Variants in TENM3 observed in about 807,000 individuals in gnomAD.
TENM3 encodes the protein teneurin-3.
In TENM3, 63 loss-of-function variants were observed where a neutral mutation model predicts 255.1. The ratio of observed to expected loss-of-function variants is 0.25; its 90% CI spans 0.20 to 0.30. TENM3 has a LOEUF of 0.30. Among genes scored for constraint, TENM3 ranks in the 10% least tolerant of loss-of-function variants. TENM3 has a pLI of 1.00. For missense variants in TENM3, 2,929 were observed against 3,461.1 expected (o/e 0.85, Z 3.86); for synonymous variants, 1,306 against 1,322.3 (o/e 0.99, Z 0.27).
At chr4:182,117,884 C>T in the TENM3 span, among the ~76,000 whole-genome samples, 1 of 152,272 alleles carries the variant, frequency 6.6e-6, no homozygotes, top group South Asian at 2.1e-4. Context: ...TTGGGAAGAA[C>T]TGACATCTTG....
chr4:182,021,645 G>A, the TENM3 span, among the ~76,000 whole-genome samples: 2 of 152,146 alleles, frequency 1.3e-5, no homozygotes, highest in Non-Finnish European at 2.9e-5. Flanking sequence ...CCCTGTGAGT[G>A]CAAGAATGAA....
chr4:182,202,362 G>C (rs1012492288), intron 1 of TENM3, among the ~76,000 whole-genome samples: 14 of 146,238 alleles, frequency 9.6e-5, no homozygotes, highest in Non-Finnish European at 1.8e-4. Flanking sequence ...CTGGAGTGCA[G>C]TGGTGCAATC....
the TENM3 span, among the ~76,000 whole-genome samples, chr4:181,705,259 A>G: frequency 6.6e-6 from 1 of 152,230 alleles, no homozygotes; most frequent in Non-Finnish European, 1.5e-5. Flanking sequence ...GAGGTTAGCC[A>G]TTACGAAGAG....
At chr4:182,544,670 G>T (rs186011727) in intron 3 of TENM3, among the ~76,000 whole-genome samples, 1 of 152,194 alleles carries the variant, frequency 6.6e-6, no homozygotes, top group African/African-American at 2.4e-5. Context: ...AATAAAAGTT[G>T]TGTTGCTCAT....
chr4:181,933,745 T>G, the TENM3 span, among the ~76,000 whole-genome samples: 2 of 152,176 alleles, frequency 1.3e-5, no homozygotes, highest in Non-Finnish European at 2.9e-5. Context: ...CAACTAAAAA[T>G]GCAGGCATTT....
At chr4:182,432,705 A>G (rs13115200) in intron 3 of TENM3, among the ~76,000 whole-genome samples, 86,266 of 151,970 alleles carry the variant, frequency 0.57, 24,737 homozygotes, top group South Asian at 0.64. Flanking sequence ...CCAAAGTGGT[A>G]GAAACCACGG....
chr4:181,839,172 AG>A, the TENM3 span, among the ~76,000 whole-genome samples: 52 of 150,454 alleles, frequency 3.5e-4, 1 homozygote, highest in Admixed American at 3.0e-3. Flanking sequence ...CATATGGGAA[AG>A]TTCTACTATC....
the TENM3 span, among the ~76,000 whole-genome samples, chr4:181,865,859 C>T: frequency 1.8e-4 from 27 of 152,060 alleles, no homozygotes; most frequent in African/African-American, 6.3e-4. Context: ...TGGAAAAAAT[C>T]TCAGAATATA....
At chr4:182,141,607 G>C (rs1749435948), upstream of TENM3, 1 of 152,330 alleles carries the variant, frequency 6.6e-6, no homozygotes, top group Admixed American at 6.5e-5. Context: ...CTGGCATAGA[G>C]TGCGCAGGGC....
the TENM3 span, among the ~76,000 whole-genome samples, chr4:182,118,352 C>T: frequency 6.6e-6 from 1 of 152,100 alleles, no homozygotes; most frequent in African/African-American, 2.4e-5. Context: ...GACAGCCTGG[C>T]TTTGTTCCTG....
chr4:182,491,290 C>T (rs1254841500), intron 3 of TENM3, among the ~76,000 whole-genome samples: 2 of 152,062 alleles, frequency 1.3e-5, no homozygotes, highest in Non-Finnish European at 2.9e-5. Flanking sequence ...GGATGTTTGT[C>T]AGGTTAGTGA....
rs141674692 is a variant in TENM3, at chr4:182,564,408, C to T, written c.512-36516C>T. ...GGCTCAAACAGTCCTCCCGCCTTGG[C>T]CTCCCAAAGTGCTGGGATTACAGGC... On this transcript the variant is annotated intron_variant, in intron 3 of 27. Transcript: ENST00000511685. Among the ~76,000 whole-genome samples the T allele has an allele frequency of 2.7e-3, 414 of 152,226 alleles. 1 individual carries two copies. The highest frequency in any genetic ancestry group is 9.2e-3 in the African/African-American group (381 of 41,542).
intron 1 of TENM3, among the ~76,000 whole-genome samples, chr4:182,244,754 AATAG>A (rs1214395090): frequency 6.6e-6 from 1 of 152,238 alleles, no homozygotes; most frequent in African/African-American, 2.4e-5. Flanking sequence ...TGTGTAGCCT[AATAG>A]ATAGCTGTTT....
the TENM3 span, among the ~76,000 whole-genome samples, chr4:181,979,765 G>C: frequency 1.3e-5 from 2 of 152,170 alleles, no homozygotes; most frequent in African/African-American, 4.8e-5. Context: ...CAGAGAAGTC[G>C]AGTGACTTGC....
At chr4:182,027,170 T>C in the TENM3 span, among the ~76,000 whole-genome samples, 2 of 152,112 alleles carry the variant, frequency 1.3e-5, no homozygotes, top group Non-Finnish European at 2.9e-5. Context: ...TCTTAGGTAT[T>C]TAATTTTATT....
chr4:182,445,608 T>A (rs1772850340), intron 3 of TENM3, among the ~76,000 whole-genome samples: 1 of 149,500 alleles, frequency 6.7e-6, no homozygotes. Context: ...TTGTGGACTT[T>A]TTATTTTTTT....
chr4:181,922,914 C>T, the TENM3 span, among the ~76,000 whole-genome samples: 1 of 152,100 alleles, frequency 6.6e-6, no homozygotes, highest in Non-Finnish European at 1.5e-5. Flanking sequence ...GAATGTGTCC[C>T]AGAGATTCTG....
At chr4:182,158,638 C>T (rs1311255126) in intron 1 of TENM3, among the ~76,000 whole-genome samples, 1 of 152,162 alleles carries the variant, frequency 6.6e-6, no homozygotes, top group South Asian at 2.1e-4. Context: ...AGGGAGGGAA[C>T]GGGTTAAGAG....
At chr4:182,278,480 T>G (rs1442421804) in intron 1 of TENM3, among the ~76,000 whole-genome samples, 1 of 152,166 alleles carries the variant, frequency 6.6e-6, no homozygotes, top group Non-Finnish European at 1.5e-5. Flanking sequence ...TACTAAGAAC[T>G]ATCTGCTGGG....
Sources: gnomAD v4.1 joint callset for allele counts (sites outside exome capture counted in the v4.1 genomes callset) on GRCh38, gnomAD v4.1.1 for gene constraint, MANE v1.5 for transcripts, NCBI Gene and HGNC (gene_info 2026-07-23, HGNC 2026-07-21) for gene names.